Variants in MYO1G observed in about 807,000 individuals in gnomAD.
MYO1G encodes the protein unconventional myosin-Ig.
A neutral mutation model predicts 115.3 loss-of-function variants in MYO1G; 65 were observed. That is an observed-to-expected ratio of 0.56 (90% CI 0.46 to 0.69). The LOEUF (loss-of-function observed/expected upper bound fraction) is 0.69. Among genes scored for constraint, MYO1G ranks in the 30% least tolerant of loss-of-function variants. The pLI is 0.00. For missense variants in MYO1G, 1,204 were observed against 1,393.5 expected, an observed-to-expected ratio of 0.86 and a Z score of 2.16; for synonymous variants, 510 against 552.6, an observed-to-expected ratio of 0.92 and a Z score of 1.08.
rs1794781987 is a variant in MYO1G, at chr7:44,963,277, C to T, written c.2746-153G>A. ...GCCACCAGCCCCCCACCGCCCCCTC[C>T]TCCCTCTCGGGGCCCTGCTGACAGG... is the stretch of plus-strand genomic sequence containing the variant. On this transcript the variant is annotated intron_variant, in intron 20 of 21. Coordinates refer to ENST00000258787, the MANE Select transcript of MYO1G (RefSeq NM_033054.3). The surrounding 1 kb of genome is among the most constrained non-coding windows in gnomAD (Gnocchi z 4.1). 3 of 863,310 alleles carry T rather than the reference C, an allele frequency of 3.5e-6. No homozygotes were observed. In the South Asian group the frequency reaches 5.9e-5, roughly 17 times the overall value. The allele number at this position is 863,310 out of a possible 1,614,324, so 53.5% of individuals were successfully genotyped here. A position where few individuals can be genotyped will look rare whatever the true frequency, so the allele number is the denominator to read the frequency against.
intron 5 of MYO1G, chr7:44,974,762 C>T (rs1254480806): frequency 1.4e-5 from 3 of 220,774 alleles, no homozygotes; most frequent in Non-Finnish European, 2.8e-5. Context: ...CCTGGGCGCG[C>T]CTATCTCACA....
chr7:44,978,546 T>C (rs1236549709), intron 1 of MYO1G, among the ~76,000 whole-genome samples: 1 of 152,204 alleles, frequency 6.6e-6, no homozygotes, highest in Non-Finnish European at 1.5e-5. Flanking sequence ...CCAAGAAGTG[T>C]CATGCCCTGG....
chr7:44,972,569 T>G, intron 5 of MYO1G: 1 of 284,614 alleles, frequency 3.5e-6, no homozygotes. Flanking sequence ...GTGGAGACAC[T>G]ACCCGGGTCC....
intron 9 of MYO1G, among the ~76,000 whole-genome samples, 200 bp downstream of exon 9, chr7:44,970,392 C>T (rs924067389): frequency 3.9e-4 from 59 of 152,148 alleles, no homozygotes; most frequent in African/African-American, 1.4e-3. Context: ...ACTCATGCCC[C>T]GTAATTCTGC....
At chr7:44,976,499 C>T (rs1795051426) in intron 3 of MYO1G, 65 bp downstream of exon 3, 1 of 1,506,882 alleles carries the variant, frequency 6.6e-7, no homozygotes. Context: ...AGAGCCAGCC[C>T]TTCCTGCCAC....
Position 44,970,677 on chromosome 7 carries a change from G to A in MYO1G, c.1132C>T (p.Arg378Trp), listed in dbSNP as rs546640885. Reference sequence around the variant, plus strand: ...CCATCACGCCGAGGATCCCGGCCCCGGGGTTCCATGACACTGTTGATCCTG... The same window carrying A: ...CCATCACGCCGAGGATCCCGGCCCCAGGGTTCCATGACACTGTTGATCCTG... ...VNRINSVMEP[R>W]GRDPRRDGKD... Residue 378 changes from arginine to tryptophan, a missense_variant, in exon 9 of 22, where the codon CGG (arginine) becomes TGG (tryptophan). Physicochemically the swap from Arg to Trp is moderately radical, Grantham distance 101. Transcript: ENST00000258787. 32 of 1,613,768 alleles carry A rather than the reference G, an allele frequency of 2.0e-5. No individual in the cohort carries two copies. Among genetic ancestry groups the A allele is most frequent in the South Asian group, 9.9e-5 (9 of 91,074 alleles).
At chr7:44,976,420 T>C (rs1045628356) in intron 3 of MYO1G, 144 bp downstream of exon 3, 2 of 753,734 alleles carry the variant, frequency 2.7e-6, no homozygotes, top group African/African-American at 3.5e-5. Flanking sequence ...GTTGGCATTA[T>C]CTGGAAACTT....
rs1359983683 is a variant in MYO1G, at chr7:44,970,521, G to A, written c.1217+71C>T. Reference sequence around the variant, plus strand: ...ACATTCCTGCTGCCCAGCCCCAGCCGAGCTTTCCAGAACTAAGTGGGCAAA... The same window carrying A: ...ACATTCCTGCTGCCCAGCCCCAGCCAAGCTTTCCAGAACTAAGTGGGCAAA... On this transcript the variant is annotated intron_variant, in intron 9 of 21. Coordinates refer to ENST00000258787, the MANE Select transcript of MYO1G (RefSeq NM_033054.3). 12 of 1,586,816 alleles carry A rather than the reference G, an allele frequency of 7.6e-6. No individual in the cohort carries two copies. The African/African-American group carries it at 1.1e-4, about 14-fold the overall frequency.
chr7:44,971,123 G>C (rs186878187), intron 7 of MYO1G, 64 bp from the exon 8 acceptor site: 1 of 1,454,324 alleles, frequency 6.9e-7, no homozygotes, highest in East Asian at 2.4e-5. Context: ...GACAACTTTG[G>C]ACAAGAAGGA....
chr7:44,966,695 C>A lies in MYO1G; in HGVS notation c.1926G>T (p.Gln642His), dbSNP rs776700926. ...RVRRAGFASR[Q>H]PYSRFLLRYK... ...ACCTGAGCAGGAATCGAGAGTAGGGCTGGCGGGAAGCGAAGCCAGCCCTGC... is the reference window on the plus strand; with the variant it reads ...ACCTGAGCAGGAATCGAGAGTAGGGATGGCGGGAAGCGAAGCCAGCCCTGC... The change falls in exon 15 of 22, where the codon CAG (glutamine) becomes CAT (histidine). Residue 642 changes from glutamine (Q) to histidine (H), a missense_variant. Coordinates refer to ENST00000258787, the MANE Select transcript of MYO1G (RefSeq NM_033054.3). The surrounding 1 kb of genome is among the most constrained non-coding windows in gnomAD (Gnocchi z 5.0). 1 of 1,613,208 alleles carries A rather than the reference C, an allele frequency of 6.2e-7. No individual in the cohort carries two copies. Among genetic ancestry groups the A allele is most frequent in the Admixed American group, 1.7e-5 (1 of 60,020 alleles).
chr7:44,964,550 C>G lies in MYO1G; in HGVS notation c.2527-31G>C. Reference sequence around the variant, plus strand: ...GACAGATGGAGGGGAGGGGGCGCTGCTTGGGATTGAGTCATGGGACCAGAC... The same window carrying G: ...GACAGATGGAGGGGAGGGGGCGCTGGTTGGGATTGAGTCATGGGACCAGAC... On this transcript the variant is annotated intron_variant, in intron 18 of 21. Coordinates refer to ENST00000258787, the MANE Select transcript of MYO1G (RefSeq NM_033054.3). This position sits in a 1 kb window ranked among gnomAD's most constrained non-coding sequence, Gnocchi z 5.1. 1 of 1,563,604 alleles carries G rather than the reference C, an allele frequency of 6.4e-7. No individual in the cohort carries two copies.
At chr7:44,971,863 C>G (rs969216252) in intron 6 of MYO1G, 74 bp from the exon 7 acceptor site, 1 of 1,177,216 alleles carries the variant, frequency 8.5e-7, no homozygotes, top group Non-Finnish European at 1.2e-6. Flanking sequence ...GGCTTGATTC[C>G]TCCATCCTAG....
At chr7:44,974,527 A>G (rs1483252381) in intron 5 of MYO1G, 1 of 154,934 alleles carries the variant, frequency 6.5e-6, no homozygotes, top group African/African-American at 2.4e-5. Context: ...GTCCCTAGAG[A>G]CACTGCTCCA....
intron 1 of MYO1G, 120 bp downstream of exon 1, chr7:44,978,747 T>G: frequency 1.1e-6 from 1 of 883,016 alleles, no homozygotes; most frequent in Non-Finnish European, 1.8e-6. Flanking sequence ...TGGGTGGGTG[T>G]GTGCCACTGC....
Position 44,969,283 on chromosome 7 carries a change from A to G in MYO1G, c.1574+130T>C. The G allele has an allele frequency of 1.2e-6, 1 of 807,082 alleles. No homozygotes were observed. Among genetic ancestry groups the G allele is most frequent in the Non-Finnish European group, 2.2e-6 (1 of 459,072 alleles). The allele number at this position is 807,082 out of a possible 1,614,324, so 50.0% of individuals were successfully genotyped here. A position where few individuals can be genotyped will look rare whatever the true frequency, so the allele number is the denominator to read the frequency against. On this transcript the variant is annotated intron_variant, in intron 12 of 21. Coordinates refer to ENST00000258787, the MANE Select transcript of MYO1G (RefSeq NM_033054.3). The surrounding 1 kb of genome is among the most constrained non-coding windows in gnomAD (Gnocchi z 5.0). ...CTGTCCGGCATGTTTCAGTGTCTTAAAGGGGTGGGGGTGGCAGAAGTGGCC... is the reference window on the plus strand; with the variant it reads ...CTGTCCGGCATGTTTCAGTGTCTTAGAGGGGTGGGGGTGGCAGAAGTGGCC...
chr7:44,968,504 AT>A (rs11322671), intron 12 of MYO1G: 33,513 of 140,826 alleles, frequency 0.24, 3,809 homozygotes, highest in African/African-American at 0.3. Flanking sequence ...CAGGGAATGG[AT>A]TTTTTTTTTT....
chr7:44,969,823 C>G lies in MYO1G; in HGVS notation c.1385G>C (p.Arg462Pro), dbSNP rs1353993162. Residue 462 changes from arginine (R) to proline (P), a missense_variant, in exon 11 of 22, where the codon CGT becomes CCT. By Grantham distance (103) the Arg-to-Pro change is moderately radical (BLOSUM62 -2). Coordinates refer to ENST00000258787, the MANE Select transcript of MYO1G (RefSeq NM_033054.3). This position sits in a 1 kb window ranked among gnomAD's most constrained non-coding sequence, Gnocchi z 5.0. ...TIVDLVERPH[R>P]GILAVLDEAC... ...CTCGTCCAGCACGGCCAGGATGCCA[C>G]GGTGGGGCCGCTCCACCAGATCCAC... The G allele has an allele frequency of 1.2e-6, 2 of 1,612,912 alleles. No homozygotes were observed. Among genetic ancestry groups the G allele is most frequent in the Non-Finnish European group, 1.7e-6 (2 of 1,179,706 alleles).
At position 44,966,095 on chromosome 7, in the gene MYO1G, A is replaced by C; in HGVS notation, c.2135T>G (p.Ile712Ser). 6.2e-7 allele frequency: 1 copy of C among 1,612,816 alleles called. No individual in the cohort carries two copies. Among genetic ancestry groups the C allele is most frequent in the Non-Finnish European group, 8.5e-7 (1 of 1,179,944 alleles). ...LEQSRARLIP[I>S]IVLLLQKAWR... ...CACCTTCTGCAATAGCAGCACAATG[A>C]TGGGGATGAGGCGGGCTCGGCTCTG... Residue 712 changes from isoleucine to serine, a missense_variant, in exon 16 of 22, where the codon ATC becomes AGC. Transcript: ENST00000258787. This position sits in a 1 kb window ranked among gnomAD's most constrained non-coding sequence, Gnocchi z 5.0.
chr7:44,969,597 G>T lies in MYO1G; in HGVS notation c.1503+108C>A. On this transcript the variant is annotated intron_variant, in intron 11 of 21. Coordinates refer to ENST00000258787, the MANE Select transcript of MYO1G (RefSeq NM_033054.3). This position sits in a 1 kb window ranked among gnomAD's most constrained non-coding sequence, Gnocchi z 5.0. ...GAAGGTTGCCACAGTGACGACAATGGCACCAAAGCTGGGTCCCCAACCAGG... is the reference window on the plus strand; with the variant it reads ...GAAGGTTGCCACAGTGACGACAATGTCACCAAAGCTGGGTCCCCAACCAGG... The T allele has an allele frequency of 6.3e-7, 1 of 1,575,028 alleles. No individual in the cohort carries two copies. Among genetic ancestry groups the T allele is most frequent in the Non-Finnish European group, 8.7e-7 (1 of 1,148,692 alleles).
Sources: allele counts gnomAD v4.1 joint callset (sites outside exome capture counted in the v4.1 genomes callset), GRCh38; gene constraint gnomAD v4.1.1; non-coding constraint Gnocchi (gnomAD v3.1); transcripts MANE v1.5; gene names NCBI Gene and HGNC (gene_info 2026-07-23, HGNC 2026-07-21).